The following NCKAP5 variants were observed in gnomAD, a reference collection of about 807,000 sequenced individuals.
NCKAP5 encodes NCK associated protein 5.
A neutral mutation model predicts 167.0 loss-of-function variants in NCKAP5; 92 were observed. That is an observed-to-expected ratio of 0.55 (90% CI 0.47 to 0.66). The LOEUF (loss-of-function observed/expected upper bound fraction) is 0.66, where lower values mean the gene tolerates loss of function less well. NCKAP5 is among the 30% of genes least tolerant of loss of function. The probability of loss-of-function intolerance (pLI) is 0.00; values close to 1 mark genes in which losing one functional copy is unlikely to be tolerated. For synonymous variants in NCKAP5, 891 were observed against 877.4 expected (o/e 1.02, Z -0.27); for missense variants, 2,378 against 2,315.0 (o/e 1.03, Z -0.56).
chr2:133,075,952 G>A (rs988976104), intron 6 of NCKAP5, among the ~76,000 whole-genome samples: 2 of 151,924 alleles, frequency 1.3e-5, no homozygotes, highest in Admixed American at 6.6e-5. Context: ...ACTGTAAGTC[G>A]GGTACTGAAA....
chr2:132,713,163 T>A (rs545821509), intron 19 of NCKAP5, among the ~76,000 whole-genome samples: 235 of 151,138 alleles, frequency 1.6e-3, no homozygotes, highest in African/African-American at 5.2e-3. Flanking sequence ...AAAAAAAAAA[T>A]CAATAAAAAT....
At chr2:132,678,807 T>C (rs1160950549) in intron 19 of NCKAP5, among the ~76,000 whole-genome samples, 3 of 152,186 alleles carry the variant, frequency 2.0e-5, no homozygotes, top group Non-Finnish European at 4.4e-5. Flanking sequence ...CTTGGGATCT[T>C]AATCACTGTG....
chr2:132,843,174 T>A (rs1188403339), intron 11 of NCKAP5, among the ~76,000 whole-genome samples: 1 of 152,186 alleles, frequency 6.6e-6, no homozygotes. Context: ...ATATACCTTA[T>A]TGAAGCAAAG....
At chr2:132,749,973 G>A (rs1283833580) in intron 16 of NCKAP5, among the ~76,000 whole-genome samples, 2 of 151,580 alleles carry the variant, frequency 1.3e-5, no homozygotes, top group Non-Finnish European at 3.0e-5. Flanking sequence ...CATGCTCCGA[G>A]TAAGGGAAGG....
At position 132,860,787 on chromosome 2, in the gene NCKAP5, T is replaced by C. The variant is rs191775859; in HGVS notation, c.688-176A>G. ...CACAGACCATTGTCTGATAGAATTA[T>C]TATGTGCAAAGAAGACCAATTTTTT... On this transcript the variant is annotated intron_variant, in intron 10 of 19. Transcript: ENST00000409261. Among the ~76,000 whole-genome samples the C allele has an allele frequency of 5.3e-4, 80 of 152,342 alleles. 1 individual carries two copies. The East Asian group carries it at 0.011, about 22-fold the overall frequency.
chr2:132,789,364 T>C (rs1043844577), intron 13 of NCKAP5, among the ~76,000 whole-genome samples: 7 of 152,164 alleles, frequency 4.6e-5, no homozygotes, highest in African/African-American at 1.7e-4. Flanking sequence ...GTACTTTGCA[T>C]TGGAAGTCTG....
At chr2:133,472,778 C>G (rs950608928) in intron 3 of NCKAP5, among the ~76,000 whole-genome samples, 8 of 152,180 alleles carry the variant, frequency 5.3e-5, no homozygotes, top group African/African-American at 1.9e-4. Flanking sequence ...GCACCCCTAT[C>G]CACCAGATCT....
At chr2:133,063,891 C>T (rs892912485) in intron 6 of NCKAP5, among the ~76,000 whole-genome samples, 1 of 152,206 alleles carries the variant, frequency 6.6e-6, no homozygotes, top group East Asian at 1.9e-4. Flanking sequence ...AGGAAAAAAC[C>T]GTTAACATCT....
At chr2:132,869,062 T>A in intron 9 of NCKAP5, 88 bp from the exon 10 acceptor site, 5 of 910,318 alleles carry the variant, frequency 5.5e-6, no homozygotes, top group Non-Finnish European at 8.1e-6. Flanking sequence ...TCTCGCAGCT[T>A]ATTGTAGCTA....
At chr2:132,986,849 ATGACC>A (rs1455491292) in intron 7 of NCKAP5, among the ~76,000 whole-genome samples, 4 of 152,162 alleles carry the variant, frequency 2.6e-5, no homozygotes, top group Non-Finnish European at 5.9e-5. Flanking sequence ...TACCCTGAGA[ATGACC>A]CTAGGGTGTA....
chr2:133,247,407 C>T (rs939821006), intron 4 of NCKAP5, among the ~76,000 whole-genome samples: 1 of 152,118 alleles, frequency 6.6e-6, no homozygotes, highest in African/African-American at 2.4e-5. Flanking sequence ...AATTTTGCAG[C>T]ATTCAATTAA....
At chr2:133,619,036 T>C in the NCKAP5 span, among the ~76,000 whole-genome samples, 85 of 139,608 alleles carry the variant, frequency 6.1e-4, 1 homozygote, top group Admixed American at 5.5e-3. Flanking sequence ...ATCATCATTC[T>C]CAGTAAACTA....
intron 3 of NCKAP5, among the ~76,000 whole-genome samples, chr2:133,414,820 T>C (rs1205747975): frequency 6.6e-6 from 1 of 152,222 alleles, no homozygotes; most frequent in Non-Finnish European, 1.5e-5. Context: ...AAACTAATAA[T>C]ACGGAGAAAG....
chr2:133,226,518 A>G (rs1207410054), intron 4 of NCKAP5, among the ~76,000 whole-genome samples: 1 of 151,908 alleles, frequency 6.6e-6, no homozygotes, highest in East Asian at 1.9e-4. Context: ...GCCTTTACAG[A>G]GTTAATCAAT....
intron 6 of NCKAP5, among the ~76,000 whole-genome samples, chr2:133,048,407 G>T (rs1207170184): frequency 3.9e-5 from 6 of 152,186 alleles, no homozygotes; most frequent in Non-Finnish European, 2.9e-5. Flanking sequence ...AACAAAAAGG[G>T]TTCACCTTTG....
At chr2:133,076,159 A>G (rs1573956774) in intron 6 of NCKAP5, among the ~76,000 whole-genome samples, 1 of 152,320 alleles carries the variant, frequency 6.6e-6, no homozygotes, top group South Asian at 2.1e-4. Flanking sequence ...ATTTTTGTGC[A>G]TGCAAATTTA....
At chr2:133,023,414 A>C (rs2078594576) in intron 6 of NCKAP5, among the ~76,000 whole-genome samples, 1 of 152,200 alleles carries the variant, frequency 6.6e-6, no homozygotes, top group Non-Finnish European at 1.5e-5. Flanking sequence ...TCCTTTAAGT[A>C]AAGCTTGGTT....
chr2:133,558,811 G>A (rs756702291), intron 2 of NCKAP5, among the ~76,000 whole-genome samples: 10 of 148,742 alleles, frequency 6.7e-5, no homozygotes, highest in South Asian at 2.2e-4. Context: ...TTGTTTTGGA[G>A]TGGCAAATAC....
intron 6 of NCKAP5, among the ~76,000 whole-genome samples, chr2:133,012,587 C>T (rs2078199216): frequency 6.6e-6 from 1 of 152,228 alleles, no homozygotes; most frequent in Non-Finnish European, 1.5e-5. Context: ...ATGGCTTTTT[C>T]TGCATCTTTC....
Sources: gnomAD v4.1 joint callset for allele counts (sites outside exome capture counted in the v4.1 genomes callset) on GRCh38, gnomAD v4.1.1 for gene constraint, MANE v1.5 for transcripts, NCBI Gene and HGNC (gene_info 2026-07-23, HGNC 2026-07-21) for gene names.